RBFOX1: variants seen among roughly 807,000 people sequenced by gnomAD.
The protein encoded by RBFOX1 is RNA binding protein fox-1 homolog 1.
A neutral mutation model predicts 57.7 loss-of-function variants in RBFOX1; 8 were observed. The observed-to-expected ratio is 0.14, with a 90% CI of 0.08 to 0.25. RBFOX1 has a LOEUF of 0.25. Among genes scored for constraint, RBFOX1 ranks in the 10% least tolerant of loss-of-function variants. RBFOX1 has a pLI of 1.00. For missense variants in RBFOX1, 611 were observed against 548.5 expected, an observed-to-expected ratio of 1.11 and a Z score of -1.14; for synonymous variants, 326 against 222.4, an observed-to-expected ratio of 1.47 and a Z score of -4.15.
chr16:5,975,036 A>G (rs963640518), intron 4 of RBFOX1, among the ~76,000 whole-genome samples: 1 of 152,202 alleles, frequency 6.6e-6, no homozygotes, highest in African/African-American at 2.4e-5. Flanking sequence ...TAAAAATAAC[A>G]AAAGTAAAAA....
At chr16:6,285,171 G>C (rs2076774012) in intron 1 of RBFOX1, among the ~76,000 whole-genome samples, 1 of 152,156 alleles carries the variant, frequency 6.6e-6, no homozygotes, top group Middle Eastern at 3.2e-3. Flanking sequence ...AGTGGCCCTG[G>C]ATAGGGGAGA....
At chr16:6,058,292 G>A (rs1205426554) in intron 1 of RBFOX1, among the ~76,000 whole-genome samples, 1 of 144,928 alleles carries the variant, frequency 6.9e-6, no homozygotes, top group Non-Finnish European at 1.5e-5. Context: ...TTCTTTCCCT[G>A]CCTTCCTCCC....
intron 14 of RBFOX1, among the ~76,000 whole-genome samples, chr16:7,687,516 A>G (rs1014087307): frequency 2.0e-5 from 3 of 152,010 alleles, no homozygotes; most frequent in African/African-American, 7.2e-5. Context: ...CTTTGGTAAG[A>G]TCAGCAATAT....
At chr16:6,789,192 A>C (rs2082485909) in intron 3 of RBFOX1, among the ~76,000 whole-genome samples, 1 of 152,108 alleles carries the variant, frequency 6.6e-6, no homozygotes, top group South Asian at 2.1e-4. Context: ...TTAAGGTTTA[A>C]AGACTGTAAG....
At chr16:5,525,567 A>T (rs2044213228) in intron 2 of RBFOX1, among the ~76,000 whole-genome samples, 1 of 136,600 alleles carries the variant, frequency 7.3e-6, no homozygotes, top group Non-Finnish European at 1.5e-5. Context: ...GCGTGATCTC[A>T]GCTCACTGCA....
chr16:6,998,803 G>C (rs567303884), intron 3 of RBFOX1, among the ~76,000 whole-genome samples: 13 of 152,066 alleles, frequency 8.5e-5, no homozygotes. Context: ...AATTCCTTCT[G>C]AGTACTTTAA....
chr16:6,604,213 A>AG, intron 2 of RBFOX1, among the ~76,000 whole-genome samples: 1 of 152,274 alleles, frequency 6.6e-6, no homozygotes, highest in Middle Eastern at 3.4e-3. Flanking sequence ...GAAAAAAAAA[A>AG]GAAAAAGTAG....
At chr16:6,092,090 C>A (rs759888240) in intron 1 of RBFOX1, among the ~76,000 whole-genome samples, 13 of 152,212 alleles carry the variant, frequency 8.5e-5, no homozygotes, top group Non-Finnish European at 1.6e-4. Flanking sequence ...TTCTGGAGTT[C>A]CACATTCTCC....
intron 4 of RBFOX1, among the ~76,000 whole-genome samples, chr16:7,469,101 T>A (rs992582364): frequency 6.6e-6 from 1 of 152,066 alleles, no homozygotes; most frequent in African/African-American, 2.4e-5. Context: ...GCCCGGCTAA[T>A]TTTTTTGAAT....
intron 4 of RBFOX1, among the ~76,000 whole-genome samples, chr16:7,376,552 C>T (rs1243322592): frequency 6.6e-6 from 1 of 152,124 alleles, no homozygotes; most frequent in Non-Finnish European, 1.5e-5. Flanking sequence ...ATTTTCCAAC[C>T]TCCGAGTTTT....
intron 4 of RBFOX1, among the ~76,000 whole-genome samples, chr16:7,468,822 C>T (rs901798112): frequency 1.3e-5 from 2 of 152,136 alleles, no homozygotes; most frequent in African/African-American, 4.8e-5. Context: ...GGGTGGATGC[C>T]ACTGATGGCT....
chr16:5,477,975 A>T (rs1034709309), intron 2 of RBFOX1, among the ~76,000 whole-genome samples: 6 of 152,034 alleles, frequency 3.9e-5, no homozygotes, highest in African/African-American at 1.4e-4. Flanking sequence ...ACCGTGGCCC[A>T]CCTCACTCCC....
chr16:7,164,736 G>T (rs1017144140), intron 4 of RBFOX1, among the ~76,000 whole-genome samples: 1 of 152,166 alleles, frequency 6.6e-6, no homozygotes, highest in Non-Finnish European at 1.5e-5. Flanking sequence ...ATAGAAGTCT[G>T]TTGTTAAGGT....
At chr16:7,448,540 C>G (rs897088613) in intron 4 of RBFOX1, among the ~76,000 whole-genome samples, 1 of 152,228 alleles carries the variant, frequency 6.6e-6, no homozygotes, top group Non-Finnish European at 1.5e-5. Flanking sequence ...TGGGGAAGAC[C>G]CACCTCTATG....
intron 1 of RBFOX1, among the ~76,000 whole-genome samples, chr16:5,391,632 G>A (rs1048340435): frequency 1.3e-5 from 2 of 152,148 alleles, no homozygotes; most frequent in African/African-American, 4.8e-5. Flanking sequence ...AAGGCTGTCT[G>A]TTCCAGGCTC....
chr16:5,582,299 A>G (rs1427290079), intron 2 of RBFOX1, among the ~76,000 whole-genome samples: 1 of 152,148 alleles, frequency 6.6e-6, no homozygotes, highest in Non-Finnish European at 1.5e-5. Context: ...GCTGAGTTAA[A>G]GAGTGCAGTG....
chr16:7,624,476 C>G (rs2059777511), intron 10 of RBFOX1, among the ~76,000 whole-genome samples: 1 of 152,160 alleles, frequency 6.6e-6, no homozygotes, highest in Non-Finnish European at 1.5e-5. Context: ...CCTATGAGCA[C>G]TAAACGTGAT....
intron 1 of RBFOX1, among the ~76,000 whole-genome samples, chr16:5,455,166 A>G (rs1374358955): frequency 6.6e-6 from 1 of 151,486 alleles, no homozygotes; most frequent in African/African-American, 2.4e-5. Flanking sequence ...ACTCTACTCC[A>G]CATGTCTTGG....
At chr16:7,090,918 C>T (rs1244686912) in intron 4 of RBFOX1, among the ~76,000 whole-genome samples, 12 of 152,102 alleles carry the variant, frequency 7.9e-5, no homozygotes, top group Admixed American at 7.9e-4. Context: ...CTCCTGCTCT[C>T]CTGTGGTTAT....
Sources: allele counts gnomAD v4.1 joint callset (sites outside exome capture counted in the v4.1 genomes callset), GRCh38; gene constraint gnomAD v4.1.1; transcripts MANE v1.5; gene names NCBI Gene and HGNC (gene_info 2026-07-23, HGNC 2026-07-21).